Variants in SPG7 observed in about 807,000 individuals in gnomAD.
The protein encoded by SPG7 is mitochondrial inner membrane m-AAA protease component paraplegin.
Under a neutral mutation model 81.9 loss-of-function variants are expected in SPG7, and 103 were observed. The observed-to-expected ratio is 1.26, with a 90% CI of 1.07 to 1.48. SPG7 has a LOEUF of 1.48. Ranked by LOEUF, SPG7 falls within the 40% of genes most tolerant of loss-of-function variation. The pLI is 0.00. For missense variants in SPG7, 1,241 were observed against 1,087.3 expected, an observed-to-expected ratio of 1.14 and a Z score of -1.99; for synonymous variants, 534 against 444.2, an observed-to-expected ratio of 1.20 and a Z score of -2.54.
intron 16 of SPG7, 114 bp downstream of exon 16, chr16:89,554,677 T>C (rs777924687): frequency 5.4e-6 from 4 of 736,762 alleles, no homozygotes; most frequent in Non-Finnish European, 9.5e-6. Context: ...CAGAGAACAC[T>C]CTGACCGATG....
At chr16:89,528,026 A>G (rs1328109436) in intron 5 of SPG7, among the ~76,000 whole-genome samples, 1 of 152,064 alleles carries the variant, frequency 6.6e-6, no homozygotes, top group African/African-American at 2.4e-5. Context: ...TTTGTAGGCC[A>G]GTGATGTACA....
intron 4 of SPG7, among the ~76,000 whole-genome samples, 177 bp downstream of exon 4, chr16:89,524,424 T>A (rs978940589): frequency 1.3e-5 from 2 of 152,110 alleles, no homozygotes; most frequent in Non-Finnish European, 2.9e-5. Context: ...GCCCATTGAT[T>A]TGCATTTATT....
rs1379001117 is a variant in SPG7 at position 89,556,957 on chromosome 16, C to T, written c.2252C>T (p.Pro751Leu). The change falls in exon 17 of 17, where the codon CCC (proline) becomes CTC (leucine). Residue 751 changes from proline to leucine, a missense_variant. Pro to Leu is a moderately conservative substitution (Grantham distance 98, BLOSUM62 -3). Transcript: ENST00000645818. ...EDIEALIGPPPHGPKKMIAPQ... is the reference protein window; with the variant it reads ...EDIEALIGPPLHGPKKMIAPQ... ...ATTGAGGCTCTCATTGGCCCGCCGC[C>T]CCATGGGCCGAAGAAAATGATCGCA... is the stretch of plus-strand genomic sequence containing the variant. 6.2e-7 allele frequency: 1 copy of T among 1,614,106 alleles called. No homozygotes were observed. Among genetic ancestry groups the T allele is most frequent in the Non-Finnish European group, 8.5e-7 (1 of 1,179,994 alleles).
intron 2 of SPG7, among the ~76,000 whole-genome samples, chr16:89,512,448 G>T (rs2058035537): frequency 6.6e-6 from 1 of 152,086 alleles, no homozygotes; most frequent in Non-Finnish European, 1.5e-5. Context: ...AAGTAGCTGG[G>T]ATTACAAGCG....
rs144586191 is a variant in SPG7, at chr16:89,527,585, C to G, written c.758+1117C>G. Among the ~76,000 whole-genome samples the G allele has an allele frequency of 8.4e-4, 128 of 152,164 alleles. 1 individual carries two copies. The highest frequency in any genetic ancestry group is 1.4e-3 in the Non-Finnish European group (96 of 68,012). On this transcript the variant is annotated intron_variant, in intron 5 of 16. Transcript: ENST00000645818. ...CTCTTCTACAGACAGGAAAATGGAA[C>G]GGGAAAAGGGTAGACACAGGAAGGT...
rs1440945572 is a variant in SPG7, at chr16:89,508,447, C to T, written c.30C>T (p.Ala10=). 1.2e-5 allele frequency: 18 copies of T among 1,502,608 alleles called. No individual in the cohort carries two copies. Among genetic ancestry groups the T allele is most frequent in the East Asian group, 2.7e-5 (1 of 36,756 alleles). 93.1% of individuals were successfully genotyped at this position (1,502,608 alleles called of 1,614,324 possible). ...CCGTGCTGCTGCTGCTGCTCCGTGC[C>T]CTCCGCCGGGGTCCAGGCCCGGGTC... is the stretch of plus-strand genomic sequence containing the variant. MAVLLLLLR[A]LRRGPGPGPR... is the part of the protein sequence containing the mutation. The change falls in exon 1 of 17, where the codon GCC becomes GCT. Residue 10 remains alanine, a synonymous_variant. Coordinates refer to ENST00000645818, the MANE Select transcript of SPG7 (RefSeq NM_003119.4).
intron 6 of SPG7, 64 bp from the exon 7 acceptor site, chr16:89,530,619 C>G: frequency 1.2e-6 from 2 of 1,609,468 alleles, no homozygotes; most frequent in Admixed American, 1.7e-5. Context: ...GGGCTGAGCG[C>G]TGGCATCGTG....
chr16:89,541,202 A>C lies in SPG7; in HGVS notation c.1325-3446A>C, dbSNP rs11646269. On this transcript the variant is annotated intron_variant, in intron 9 of 16. Coordinates refer to ENST00000645818, the MANE Select transcript of SPG7 (RefSeq NM_003119.4). ...ATCCTTATCACGGTGTTCTACGCAG[A>C]AATAGAAGAGCTGAAACTGGTGTAT... 182 of 968,824 alleles carry C rather than the reference A, an allele frequency of 1.9e-4. 2 individuals carry two copies. In the African/African-American group the frequency reaches 3.3e-3, roughly 18 times the overall value. The allele number at this position is 968,824 out of a possible 1,614,324, so 60.0% of individuals were successfully genotyped here. A position where few individuals can be genotyped will look rare whatever the true frequency, so the allele number is the denominator to read the frequency against.
In SPG7 at chr16:89,542,435, G is replaced by A. The variant is rs75485494; in HGVS notation, c.1325-2213G>A. Among the ~76,000 whole-genome samples the A allele has an allele frequency of 5.4e-3, 824 of 152,282 alleles. 6 individuals are homozygous for A. Among genetic ancestry groups the A allele is most frequent in the African/African-American group, 0.018 (728 of 41,554 alleles). On this transcript the variant is annotated intron_variant, in intron 9 of 16. Coordinates refer to ENST00000645818, the MANE Select transcript of SPG7 (RefSeq NM_003119.4). ...TTCTGAGTTTATTTTAAAAGTCACC[G>A]TGATTTTAAGACACTGTCTTTGCCT...
At position 89,556,975 on chromosome 16, in the gene SPG7, T is replaced by G; in HGVS notation, c.2270T>G (p.Met757Arg). 4 of 1,614,016 alleles carry G rather than the reference T, an allele frequency of 2.5e-6. No homozygotes were observed. Among genetic ancestry groups the G allele is most frequent in the Non-Finnish European group, 2.5e-6 (3 of 1,180,020 alleles). Residue 757 changes from methionine to arginine, a missense_variant, in exon 17 of 17, where the codon ATG (methionine) becomes AGG (arginine). By Grantham distance (91) the Met-to-Arg change is moderately conservative (BLOSUM62 -1). Coordinates refer to ENST00000645818, the MANE Select transcript of SPG7 (RefSeq NM_003119.4). ...CCGCCGCCCCATGGGCCGAAGAAAATGATCGCACCGCAGAGGTGGATCGAC... is the reference window on the plus strand; with the variant it reads ...CCGCCGCCCCATGGGCCGAAGAAAAGGATCGCACCGCAGAGGTGGATCGAC... ...IGPPPHGPKK[M>R]IAPQRWIDAQ...
rs574591143 is a variant in SPG7, at chr16:89,536,828, C to T, written c.1324+4192C>T. The T allele has an allele frequency of 1.9e-6, 3 of 1,614,156 alleles. No individual in the cohort carries two copies. In the African/African-American group the frequency reaches 4.0e-5, roughly 22 times the overall value. On this transcript the variant is annotated intron_variant, in intron 9 of 16. Transcript: ENST00000645818. ...AGGAAGCTCAGAGGAAAGACCCCCG[C>T]CTGCTCCTGTCTCACGGAGCCCACA... is the stretch of plus-strand genomic sequence containing the variant.
chr16:89,529,656 A>G (rs899295665), intron 6 of SPG7, 77 bp downstream of exon 6: 1 of 1,073,064 alleles, frequency 9.3e-7, no homozygotes, highest in Non-Finnish European at 1.4e-6. Context: ...AAGCTATACG[A>G]TGAATACACA....
At chr16:89,511,895 T>C (rs952196197) in intron 2 of SPG7, among the ~76,000 whole-genome samples, 1 of 126,244 alleles carries the variant, frequency 7.9e-6, no homozygotes, top group Non-Finnish European at 1.7e-5. Flanking sequence ...CATTTTTGTG[T>C]TGTTGTTGTT....
chr16:89,545,901 G>T (rs1294088162), intron 10 of SPG7: 1 of 447,836 alleles, frequency 2.2e-6, no homozygotes, highest in African/African-American at 2.0e-5. Flanking sequence ...CACCCAGGCT[G>T]GAGTGCAGTG....
Position 89,513,046 on chromosome 16 carries a change from A to G in SPG7, c.376+9A>G. On this transcript the variant is annotated intron_variant, in intron 3 of 16. Coordinates refer to ENST00000645818, the MANE Select transcript of SPG7 (RefSeq NM_003119.4). Reference sequence around the variant, plus strand: ...GCCTGAAGAGGACGAAGGTATATTCATCTGATGTTCTTCAGTCAGTAGCTG... The same window carrying G: ...GCCTGAAGAGGACGAAGGTATATTCGTCTGATGTTCTTCAGTCAGTAGCTG... 6.3e-7 allele frequency: 1 copy of G among 1,598,844 alleles called. No homozygotes were observed. The highest frequency in any genetic ancestry group is 8.5e-7 in the Non-Finnish European group (1 of 1,171,310).
chr16:89,532,985 G>C (rs1466388423), intron 9 of SPG7: 1 of 318,074 alleles, frequency 3.1e-6, no homozygotes, highest in East Asian at 7.8e-5. Flanking sequence ...CTGGAGAATC[G>C]CTTGAACTCG....
At chr16:89,524,355 T>TG in intron 4 of SPG7, 108 bp downstream of exon 4, 2 of 1,315,446 alleles carry the variant, frequency 1.5e-6, no homozygotes, top group Non-Finnish European at 2.1e-6. Context: ...CGCTGGCTGT[T>TG]GCCATCCTTT....
rs1235854891 is a variant in SPG7, at chr16:89,557,019, G to T, written c.2314G>T (p.Asp772Tyr). The T allele has an allele frequency of 1.2e-6, 2 of 1,613,444 alleles. No homozygotes were observed. The highest frequency in any genetic ancestry group is 1.7e-5 in the Admixed American group (1 of 60,004). Residue 772 changes from aspartate to tyrosine, a missense_variant, in exon 17 of 17, where the codon GAC becomes TAC. Physicochemically the swap from Asp to Tyr is radical, Grantham distance 160. Transcript: ENST00000645818. The stretch of plus-strand genomic sequence containing the variant: ...GATCGACGCCCAGAGGGAGAAACAG[G>T]ACTTGGGCGAGGAGGAGACCGAAGA... ...RWIDAQREKQ[D>Y]LGEEETEETQ...
chr16:89,536,433 G>T (rs556321268), intron 9 of SPG7, among the ~76,000 whole-genome samples: 66 of 152,188 alleles, frequency 4.3e-4, no homozygotes, highest in Middle Eastern at 6.8e-3. Flanking sequence ...GGTTCTGGCC[G>T]CAGAGTCTGA....
Sources: gnomAD v4.1 joint callset for allele counts (sites outside exome capture counted in the v4.1 genomes callset) on GRCh38, gnomAD v4.1.1 for gene constraint, MANE v1.5 for transcripts, NCBI Gene and HGNC (gene_info 2026-07-23, HGNC 2026-07-21) for gene names.